Variants in GPR132 observed in about 807,000 individuals in gnomAD.
The protein encoded by GPR132 is G protein-coupled receptor 132, also known as probable G protein-coupled receptor 132.
A neutral mutation model predicts 1.9 loss-of-function variants in GPR132; 4 were observed. That is an observed-to-expected ratio of 2.13 (90% CI 1.05 to 4.87). The LOEUF (loss-of-function observed/expected upper bound fraction) is 4.87. Ranked by LOEUF, GPR132 falls within the 30% of genes most tolerant of loss-of-function variation. GPR132 has a pLI of 0.01. For missense variants in GPR132, 404 were observed against 512.5 expected (o/e 0.79, Z 2.04); for synonymous variants, 233 against 234.2 (o/e 0.99, Z 0.05).
chr14:105,055,581 C>G lies in GPR132; in HGVS notation c.-161G>C, dbSNP rs559115926. The G allele has an allele frequency of 3.9e-5, 27 of 685,676 alleles. No homozygotes were observed. Among genetic ancestry groups the G allele is most frequent in the African/African-American group, 3.2e-4 (18 of 55,458 alleles). 42.5% of individuals were successfully genotyped at this position (685,676 alleles called of 1,614,324 possible). ...GCGCTGGGCTCCCCTGTCACCTCCCCACGTGGGTGGGCATCTCTGCGTGTC... is the reference window on the plus strand; with the variant it reads ...GCGCTGGGCTCCCCTGTCACCTCCCGACGTGGGTGGGCATCTCTGCGTGTC... On this transcript the variant is annotated 5_prime_UTR_variant, in exon 3 of 4. Transcript: ENST00000329797. The surrounding 1 kb of genome is among the most constrained non-coding windows in gnomAD (Gnocchi z 4.7).
Position 105,050,139 on chromosome 14 carries a change from G to A in GPR132, c.*855C>T, listed in dbSNP as rs888961184. The A allele has an allele frequency of 4.6e-5, 7 of 152,348 alleles. No homozygotes were observed. Among genetic ancestry groups the A allele is most frequent in the Admixed American group, 2.6e-4 (4 of 15,286 alleles). The allele number at this position is 152,348 out of a possible 1,614,324, so 9.4% of individuals were successfully genotyped here. A position where few individuals can be genotyped will look rare whatever the true frequency, so the allele number is the denominator to read the frequency against. Reference sequence around the variant, plus strand: ...GCAGACCCAGATCTGACTCAGCCCCGAGGGTGCAGGGAGCTGGCTTTCTCC... The same window carrying A: ...GCAGACCCAGATCTGACTCAGCCCCAAGGGTGCAGGGAGCTGGCTTTCTCC... On this transcript the variant is annotated 3_prime_UTR_variant, in exon 4 of 4. Transcript: ENST00000329797. This position sits in a 1 kb window ranked among gnomAD's most constrained non-coding sequence, Gnocchi z 4.0.
At chr14:105,053,147 CT>C (rs1162515395) in intron 3 of GPR132, among the ~76,000 whole-genome samples, 552 of 99,020 alleles carry the variant, frequency 5.6e-3, no homozygotes, top group South Asian at 0.012. Flanking sequence ...AACCTGTAGT[CT>C]TTTTTTTTTT....
At position 105,060,242 on chromosome 14, in the gene GPR132, C is replaced by T. The variant is rs754436176; in HGVS notation, c.-860-2962G>A. On this transcript the variant is annotated intron_variant, in intron 1 of 3. Transcript: ENST00000329797. This position sits in a 1 kb window ranked among gnomAD's most constrained non-coding sequence, Gnocchi z 6.3. Reference sequence around the variant, plus strand: ...TGCTGCGCCCAGCTCCAAGGCCCAGCAAGAGATGCAGGGCTCTCTGGCCAT... The same window carrying T: ...TGCTGCGCCCAGCTCCAAGGCCCAGTAAGAGATGCAGGGCTCTCTGGCCAT... Among the ~76,000 whole-genome samples, 1 of 152,236 alleles carries T rather than the reference C, an allele frequency of 6.6e-6. No individual in the cohort carries two copies. The highest frequency in any genetic ancestry group is 1.5e-5 in the Non-Finnish European group (1 of 68,046).
In GPR132 at chr14:105,059,891, T is replaced by C. The variant is rs974836064; in HGVS notation, c.-860-2611A>G. ...AGATTACAGGAAGCTTGTTAACTTA[T>C]GGAGAATTTTAAAGCAATACCTTGA... On this transcript the variant is annotated intron_variant, in intron 1 of 3. Coordinates refer to ENST00000329797, the MANE Select transcript of GPR132 (RefSeq NM_013345.4). The surrounding 1 kb of genome is among the most constrained non-coding windows in gnomAD (Gnocchi z 4.2). 2.0e-5 allele frequency among the ~76,000 whole-genome samples: 3 copies of C among 152,236 alleles called. No homozygotes were observed. The highest frequency in any genetic ancestry group is 4.4e-5 in the Non-Finnish European group (3 of 68,040).
rs982940076 is a variant in GPR132, at chr14:105,050,467, GCCTGCC to G, written c.*521_*526del. 7.5e-5 allele frequency: 12 copies of G among 159,274 alleles called. No homozygotes were observed. Among genetic ancestry groups the G allele is most frequent in the Admixed American group, 4.8e-4 (8 of 16,696 alleles). The allele number at this position is 159,274 out of a possible 1,614,324, so 9.9% of individuals were successfully genotyped here. ...CACAGACCCAACCCCAGATGAGGGC[GCCTGCC>G]CCCTTGGAGGTGGTAGGCTGCCCTA... On this transcript the variant is annotated 3_prime_UTR_variant, in exon 4 of 4. Transcript: ENST00000329797. The surrounding 1 kb of genome is among the most constrained non-coding windows in gnomAD (Gnocchi z 4.0).
intron 1 of GPR132, among the ~76,000 whole-genome samples, chr14:105,063,340 G>T (rs1595142911): frequency 6.6e-6 from 1 of 151,386 alleles, no homozygotes; most frequent in Non-Finnish European, 1.5e-5. Context: ...CCTGCAAGTT[G>T]CTGTGCTCCT....
Position 105,065,120 on chromosome 14 carries a change from G to A in GPR132, c.-861+259C>T, listed in dbSNP as rs147242601. ...AGAAGAAAGTCTCCAGGAAGGTGGC[G>A]GTGACAAAGATACAATGGAAACTGT... On this transcript the variant is annotated intron_variant, in intron 1 of 3. Coordinates refer to ENST00000329797, the MANE Select transcript of GPR132 (RefSeq NM_013345.4). Among the ~76,000 whole-genome samples the A allele has an allele frequency of 2.5e-3, 384 of 152,226 alleles. 3 individuals carry two copies. The Middle Eastern group carries it at 0.027, about 11-fold the overall frequency.
At position 105,056,100 on chromosome 14, in the gene GPR132, C is replaced by T. The variant is rs1230147690; in HGVS notation, c.-680G>A. On this transcript the variant is annotated 5_prime_UTR_variant, in exon 3 of 4. Transcript: ENST00000329797. The surrounding 1 kb of genome is among the most constrained non-coding windows in gnomAD (Gnocchi z 6.0). ...CGGCGGTGTGCAGGGCTCCGGTCTC[C>T]CCACAGCCTCGCTGCGCTTGCTGGG... 1.0e-6 allele frequency: 1 copy of T among 982,630 alleles called. No homozygotes were observed. The highest frequency in any genetic ancestry group is 1.2e-6 in the Non-Finnish European group (1 of 827,288). 60.9% of individuals were successfully genotyped at this position (982,630 alleles called of 1,614,324 possible). A position where few individuals can be genotyped will look rare whatever the true frequency, so the allele number is the denominator to read the frequency against.
rs569054802 is a variant in GPR132 at position 105,051,685 on chromosome 14, C to G, written c.452G>C (p.Arg151Pro). The G allele has an allele frequency of 5.0e-6, 8 of 1,613,698 alleles. No homozygotes were observed. Among genetic ancestry groups the G allele is most frequent in the Non-Finnish European group, 5.9e-6 (7 of 1,180,026 alleles). ...FVAVVYALES[R>P]GRRRRRTAIL... ...GGCGGTCCTCCGGCGGCGGCGGCCCCGACTCTCCAGCGCGTACACCACGGC... is the reference window on the plus strand; with the variant it reads ...GGCGGTCCTCCGGCGGCGGCGGCCCGGACTCTCCAGCGCGTACACCACGGC... The change falls in exon 4 of 4, where the codon CGG becomes CCG. Residue 151 changes from arginine (R) to proline (P), a missense_variant. Physicochemically the swap from Arg to Pro is moderately radical, Grantham distance 103. Coordinates refer to ENST00000329797, the MANE Select transcript of GPR132 (RefSeq NM_013345.4). This position sits in a 1 kb window ranked among gnomAD's most constrained non-coding sequence, Gnocchi z 8.0.
Position 105,055,485 on chromosome 14 carries a change from ACT to A in GPR132, c.-67_-66del, listed in dbSNP as rs1472996079. 7 of 772,206 alleles carry A rather than the reference ACT, an allele frequency of 9.1e-6. No individual in the cohort carries two copies. The highest frequency in any genetic ancestry group is 1.7e-5 in the Non-Finnish European group (7 of 411,388). The allele number at this position is 772,206 out of a possible 1,614,324, so 47.8% of individuals were successfully genotyped here. A position where few individuals can be genotyped will look rare whatever the true frequency, so the allele number is the denominator to read the frequency against. On this transcript the variant is annotated 5_prime_UTR_variant, in exon 3 of 4. The change creates a premature stop within an existing upstream ORF in the 5' untranslated region. Transcript: ENST00000329797. This position sits in a 1 kb window ranked among gnomAD's most constrained non-coding sequence, Gnocchi z 4.7. ...AACCTTCTCATCTTCCCAAACGGAGACTCTGCCCCAGGAAGCACTCGCTCCGC... is the reference window on the plus strand; with the variant it reads ...AACCTTCTCATCTTCCCAAACGGAGACTGCCCCAGGAAGCACTCGCTCCGC...
At position 105,060,089 on chromosome 14, in the gene GPR132, C is replaced by T. The variant is rs905612744; in HGVS notation, c.-860-2809G>A. Among the ~76,000 whole-genome samples the T allele has an allele frequency of 2.0e-5, 3 of 152,210 alleles. No individual in the cohort carries two copies. The highest frequency in any genetic ancestry group is 7.2e-5 in the African/African-American group (3 of 41,470). On this transcript the variant is annotated intron_variant, in intron 1 of 3. Coordinates refer to ENST00000329797, the MANE Select transcript of GPR132 (RefSeq NM_013345.4). The surrounding 1 kb of genome is among the most constrained non-coding windows in gnomAD (Gnocchi z 6.3). ...TATGCACTGCTCCCTGCATCTCGGG[C>T]CAGCCCCCTGAGTGGAGATGGTGGG...
chr14:105,057,447 C>A, intron 1 of GPR132, 167 bp from the exon 2 acceptor site: 4 of 401,438 alleles, frequency 1.0e-5, no homozygotes, highest in Non-Finnish European at 1.8e-5. Flanking sequence ...ATGAGAAACA[C>A]AAGCAAGGCT....
In GPR132 at chr14:105,052,008, T is replaced by TATCCTG; in HGVS notation, c.123_128dup (p.Arg42_Ile43dup). ...CCGCGCTGTACACCACGACCAGGAC[T>TATCCTG]ATCCTGCTCTCTTCGAAGGACACGT... On this transcript the variant is annotated inframe_insertion, in exon 4 of 4. Transcript: ENST00000329797. 1 of 1,611,990 alleles carries TATCCTG rather than the reference T, an allele frequency of 6.2e-7. No homozygotes were observed. The highest frequency in any genetic ancestry group is 8.5e-7 in the Non-Finnish European group (1 of 1,179,714).
In GPR132 at chr14:105,055,451, C is replaced by G. The variant is rs780244973; in HGVS notation, c.-31G>C. 2.6e-6 allele frequency: 2 copies of G among 780,166 alleles called. No homozygotes were observed. The highest frequency in any genetic ancestry group is 2.7e-5 in the South Asian group (2 of 74,612). 48.3% of individuals were successfully genotyped at this position (780,166 alleles called of 1,614,324 possible). On this transcript the variant is annotated 5_prime_UTR_variant, in exon 3 of 4. Transcript: ENST00000329797. This position sits in a 1 kb window ranked among gnomAD's most constrained non-coding sequence, Gnocchi z 4.7. ...TTCTTCTGCAACCATCGCCAGCATC[C>G]GTCGGCAGAACCTTCTCATCTTCCC...
rs557644972 is a variant in GPR132, at chr14:105,055,481, G to C, written c.-61C>G. ...GCAGAACCTTCTCATCTTCCCAAAC[G>C]GAGACTCTGCCCCAGGAAGCACTCG... is the stretch of plus-strand genomic sequence containing the variant. On this transcript the variant is annotated 5_prime_UTR_variant, in exon 3 of 4. Coordinates refer to ENST00000329797, the MANE Select transcript of GPR132 (RefSeq NM_013345.4). The surrounding 1 kb of genome is among the most constrained non-coding windows in gnomAD (Gnocchi z 4.7). The C allele has an allele frequency of 1.3e-6, 1 of 775,610 alleles. No homozygotes were observed. The highest frequency in any genetic ancestry group is 2.4e-6 in the Non-Finnish European group (1 of 413,606). The allele number at this position is 775,610 out of a possible 1,614,324, so 48.0% of individuals were successfully genotyped here.
rs1362155314 is a variant in GPR132 at position 105,060,283 on chromosome 14, G to T, written c.-860-3003C>A. Among the ~76,000 whole-genome samples the T allele has an allele frequency of 1.3e-5, 2 of 152,242 alleles. No individual in the cohort carries two copies. The highest frequency in any genetic ancestry group is 4.8e-5 in the African/African-American group (2 of 41,464). On this transcript the variant is annotated intron_variant, in intron 1 of 3. Transcript: ENST00000329797. The surrounding 1 kb of genome is among the most constrained non-coding windows in gnomAD (Gnocchi z 6.3). Reference sequence around the variant, plus strand: ...CTCTGGCCATGCCCAAAACAGAGGGGTCAGTAGGTGAGGAAGCAGTGAGCC... The same window carrying T: ...CTCTGGCCATGCCCAAAACAGAGGGTTCAGTAGGTGAGGAAGCAGTGAGCC...
chr14:105,060,771 C>CT lies in GPR132; in HGVS notation c.-860-3492dup, dbSNP rs1368070170. On this transcript the variant is annotated intron_variant, in intron 1 of 3. Coordinates refer to ENST00000329797, the MANE Select transcript of GPR132 (RefSeq NM_013345.4). The surrounding 1 kb of genome is among the most constrained non-coding windows in gnomAD (Gnocchi z 6.3). ...AGGATGAACTCTTGCTGGTCCAGGG[C>CT]TGTGCCGCCCAGTCACGCCAATGCC... Among the ~76,000 whole-genome samples, 1 of 152,246 alleles carries CT rather than the reference C, an allele frequency of 6.6e-6. No individual in the cohort carries two copies. Among genetic ancestry groups the CT allele is most frequent in the Non-Finnish European group, 1.5e-5 (1 of 68,044 alleles).
Position 105,056,809 on chromosome 14 carries a change from G to A in GPR132, c.-747+358C>T, listed in dbSNP as rs1341897085. On this transcript the variant is annotated intron_variant, in intron 2 of 3. Coordinates refer to ENST00000329797, the MANE Select transcript of GPR132 (RefSeq NM_013345.4). This position sits in a 1 kb window ranked among gnomAD's most constrained non-coding sequence, Gnocchi z 6.0. ...CTGGTGGGTCAGAAGTAGGGGCAAC[G>A]GCACCAGGAGACGCATGGATGCGGG... Among the ~76,000 whole-genome samples, 3 of 152,240 alleles carry A rather than the reference G, an allele frequency of 2.0e-5. No homozygotes were observed. Among genetic ancestry groups the A allele is most frequent in the Middle Eastern group, 3.2e-3 (1 of 316 alleles).
rs142553262 is a variant in GPR132, at chr14:105,063,886, C to A, written c.-861+1493G>T. On this transcript the variant is annotated intron_variant, in intron 1 of 3. Coordinates refer to ENST00000329797, the MANE Select transcript of GPR132 (RefSeq NM_013345.4). Reference sequence around the variant, plus strand: ...CAGAGTTTCGCTCTCGTTGCCCAGGCTGGAGTGCAATGGCACGATCTCGGC... The same window carrying A: ...CAGAGTTTCGCTCTCGTTGCCCAGGATGGAGTGCAATGGCACGATCTCGGC... Among the ~76,000 whole-genome samples, 87 of 152,010 alleles carry A rather than the reference C, an allele frequency of 5.7e-4. 1 individual carries two copies. The East Asian group carries it at 0.016, about 29-fold the overall frequency.
Sources: gnomAD v4.1 joint callset for allele counts (sites outside exome capture counted in the v4.1 genomes callset) on GRCh38, gnomAD v4.1.1 for gene constraint, Gnocchi (gnomAD v3.1) non-coding constraint, MANE v1.5 for transcripts, NCBI Gene and HGNC (gene_info 2026-07-23, HGNC 2026-07-21) for gene names.